Variants in DMD observed in about 807,000 individuals in gnomAD.
DMD encodes mutant dystrophin.
In DMD, 63 loss-of-function variants were observed where a neutral mutation model predicts 330.1. The observed-to-expected ratio is 0.19, with a 90% CI of 0.16 to 0.24. DMD has a LOEUF of 0.24. DMD is among the 10% of genes least tolerant of loss of function. The probability of loss-of-function intolerance (pLI) is 1.00; values close to 1 mark genes in which losing one functional copy is unlikely to be tolerated. For synonymous variants in DMD, 1,223 were observed against 959.8 expected, an observed-to-expected ratio of 1.27 and a Z score of -5.07; for missense variants, 3,344 against 2,684.1, an observed-to-expected ratio of 1.25 and a Z score of -5.43.
At chrX:32,940,575 G>A (rs1249965703) in intron 2 of DMD, among the ~76,000 whole-genome samples, 2 of 111,146 alleles carry the variant, frequency 1.8e-5, no homozygotes, top group Non-Finnish European at 1.9e-5. Context: ...AGGACTCCCT[G>A]TTCAATAAAT....
chrX:32,289,379 A>G (rs776159526), intron 42 of DMD, among the ~76,000 whole-genome samples: 1 of 110,594 alleles, frequency 9.0e-6, no homozygotes, highest in South Asian at 4.0e-4. Context: ...TACTACCCTT[A>G]GGATTAAGGG....
At chrX:31,794,164 C>T (rs1452676916) in intron 50 of DMD, among the ~76,000 whole-genome samples, 1 of 111,609 alleles carries the variant, frequency 9.0e-6, no homozygotes, top group Non-Finnish European at 1.9e-5. Context: ...TAGTATACGT[C>T]TAAAATCTTG....
chrX:33,102,322 T>G (rs1359165977), intron 1 of DMD, among the ~76,000 whole-genome samples: 5 of 109,869 alleles, frequency 4.6e-5, no homozygotes, highest in African/African-American at 9.9e-5. Flanking sequence ...TTTTGTTTTT[T>G]TTTTTTTTTA....
At chrX:32,485,287 C>A (rs2042305577) in intron 20 of DMD, among the ~76,000 whole-genome samples, 188 bp from the exon 21 acceptor site, 2 of 111,414 alleles carry the variant, frequency 1.8e-5, no homozygotes, top group Non-Finnish European at 3.8e-5. Flanking sequence ...TACCTTGGCT[C>A]TTTGTTCAAT....
intron 16 of DMD, among the ~76,000 whole-genome samples, 164 bp from the exon 17 acceptor site, chrX:32,545,498 T>A (rs997292897): frequency 8.9e-6 from 1 of 112,170 alleles, no homozygotes; most frequent in African/African-American, 3.2e-5. Flanking sequence ...TTGTTTTATC[T>A]GACTTAAGTT....
chrX:33,208,760 TTGA>T (rs965211061), intron 1 of DMD, among the ~76,000 whole-genome samples: 4 of 110,476 alleles, frequency 3.6e-5, no homozygotes, highest in African/African-American at 1.3e-4. Context: ...AAATAAAGAG[TTGA>T]TGAAAAAGTA....
intron 44 of DMD, among the ~76,000 whole-genome samples, chrX:32,055,328 T>A: frequency 8.9e-6 from 1 of 112,303 alleles, no homozygotes; most frequent in Non-Finnish European, 1.9e-5. Context: ...TGTGTAATCT[T>A]GCCTGTTGAG....
At chrX:31,320,093 G>A (rs1280318845) in intron 62 of DMD, among the ~76,000 whole-genome samples, 1 of 112,062 alleles carries the variant, frequency 8.9e-6, no homozygotes, top group Non-Finnish European at 1.9e-5. Context: ...GCAGGAATAA[G>A]GGAGCCCCAA....
chrX:32,967,318 G>A (rs1053440496), intron 2 of DMD, among the ~76,000 whole-genome samples: 2 of 111,656 alleles, frequency 1.8e-5, no homozygotes, highest in African/African-American at 6.5e-5. Context: ...CTGTGATGGA[G>A]ATCACAGAAA....
chrX:33,152,926 T>C (rs769344520), intron 1 of DMD, among the ~76,000 whole-genome samples: 1 of 112,410 alleles, frequency 8.9e-6, no homozygotes, highest in African/African-American at 3.2e-5. Context: ...AGCAATCCCA[T>C]TGAGAAGACA....
chrX:32,232,707 T>C (rs2097173200), intron 43 of DMD, among the ~76,000 whole-genome samples: 1 of 111,912 alleles, frequency 8.9e-6, no homozygotes, highest in Non-Finnish European at 1.9e-5. Context: ...ATTCATTAAA[T>C]TTTTTCTTTC....
chrX:32,485,734 CTTTTTTTTTTTTTTT>C (rs5902034), intron 20 of DMD, among the ~76,000 whole-genome samples: 1 of 36,149 alleles, frequency 2.8e-5, no homozygotes, highest in Admixed American at 5.2e-4. Context: ...GCAACCACTG[CTTTTTTTTTTTTTTT>C]TTTTTTTTTT....
intron 54 of DMD, among the ~76,000 whole-genome samples, chrX:31,640,017 G>A (rs2079639248): frequency 9.0e-6 from 1 of 111,156 alleles, no homozygotes; most frequent in East Asian, 2.8e-4. Flanking sequence ...CTGATCCCTA[G>A]AGCTCCATAG....
chrX:31,195,834 C>CAGGA (rs1324791791), intron 67 of DMD, among the ~76,000 whole-genome samples: 2 of 101,153 alleles, frequency 2.0e-5, no homozygotes, highest in East Asian at 3.1e-4. Context: ...GGAGGGAGGG[C>CAGGA]AGGAAGGAAG....
chrX:33,098,656 G>T (rs1176304710), intron 1 of DMD, among the ~76,000 whole-genome samples: 1 of 111,815 alleles, frequency 8.9e-6, no homozygotes, highest in African/African-American at 3.3e-5. Flanking sequence ...GTGCTGCAAA[G>T]AAACAGCACT....
chrX:32,191,401 G>C (rs57883854), intron 44 of DMD, among the ~76,000 whole-genome samples: 15,994 of 111,403 alleles, frequency 0.14, 917 homozygotes, highest in African/African-American at 0.19. Flanking sequence ...ACTTTTCTCT[G>C]ACTGGTTTAA....
At chrX:32,335,587 GTA>G (rs2097703102) in intron 41 of DMD, among the ~76,000 whole-genome samples, 2 of 28,902 alleles carry the variant, frequency 6.9e-5, no homozygotes, top group African/African-American at 1.1e-4. Context: ...CATAACATGT[GTA>G]TGTTATATAT....
intron 9 of DMD, among the ~76,000 whole-genome samples, chrX:32,689,240 A>G (rs762465575): frequency 5.9e-4 from 65 of 110,610 alleles, no homozygotes; most frequent in Non-Finnish European, 1.1e-3. Context: ...TTTTTGGACT[A>G]TAACACAATA....
chrX:33,010,023 T>TATATATAC, intron 2 of DMD, among the ~76,000 whole-genome samples: 1 of 45,046 alleles, frequency 2.2e-5, no homozygotes, highest in African/African-American at 5.2e-5. Context: ...TACACATATG[T>TATATATAC]GTGTACATGT....
Sources: gnomAD v4.1 joint callset for allele counts (sites outside exome capture counted in the v4.1 genomes callset) on GRCh38, gnomAD v4.1.1 for gene constraint, MANE v1.5 for transcripts, NCBI Gene and HGNC (gene_info 2026-07-23, HGNC 2026-07-21) for gene names.